TRAPPC12: variants seen among roughly 807,000 people sequenced by gnomAD.
TRAPPC12 encodes the protein TPR repeat protein 15.
In TRAPPC12, 61 loss-of-function variants were observed where a neutral mutation model predicts 69.2. The ratio of observed to expected loss-of-function variants is 0.88; its 90% confidence interval spans 0.72 to 1.09. The LOEUF (loss-of-function observed/expected upper bound fraction) is 1.09. TRAPPC12 is among the 50% of genes least tolerant of loss of function. The pLI is 0.00. For missense variants in TRAPPC12, 1,101 were observed against 1,016.4 expected, an observed-to-expected ratio of 1.08 and a Z score of -1.13; for synonymous variants, 469 against 438.9, an observed-to-expected ratio of 1.07 and a Z score of -0.86.
chr2:3,458,389 T>A, intron 7 of TRAPPC12: 2 of 985,670 alleles, frequency 2.0e-6, no homozygotes, highest in Non-Finnish European at 2.4e-6. Flanking sequence ...CCTGGTCATC[T>A]CCTCCTTCCC....
At chr2:3,382,576 A>G (rs952791589) in intron 1 of TRAPPC12, among the ~76,000 whole-genome samples, 3 of 152,198 alleles carry the variant, frequency 2.0e-5, no homozygotes, top group African/African-American at 7.2e-5. Flanking sequence ...AGGTACTACG[A>G]CCACATATTT....
chr2:3,433,377 T>C (rs1663557672), intron 5 of TRAPPC12, among the ~76,000 whole-genome samples: 1 of 152,230 alleles, frequency 6.6e-6, no homozygotes, highest in African/African-American at 2.4e-5. Flanking sequence ...GCAAAGGGTC[T>C]GGAAGGCTCC....
At chr2:3,394,291 C>G (rs1165583617) in intron 2 of TRAPPC12, among the ~76,000 whole-genome samples, 1 of 152,074 alleles carries the variant, frequency 6.6e-6, no homozygotes, top group Admixed American at 6.5e-5. Flanking sequence ...TTTAGGTAGG[C>G]GACCATGTGC....
intron 4 of TRAPPC12, among the ~76,000 whole-genome samples, chr2:3,422,602 T>C (rs1378933865): frequency 6.6e-6 from 1 of 152,180 alleles, no homozygotes; most frequent in Admixed American, 6.5e-5. Context: ...CACCAGATCC[T>C]TCAGAACTGT....
At chr2:3,382,036 C>T (rs1660234079) in intron 1 of TRAPPC12, among the ~76,000 whole-genome samples, 2 of 151,872 alleles carry the variant, frequency 1.3e-5, no homozygotes, top group African/African-American at 4.8e-5. Flanking sequence ...GAAGAGTTCA[C>T]TGATTTTCAC....
chr2:3,429,037 C>A (rs1025557437), intron 5 of TRAPPC12, among the ~76,000 whole-genome samples: 4 of 152,230 alleles, frequency 2.6e-5, no homozygotes, highest in African/African-American at 9.7e-5. Context: ...AGCACCCAGG[C>A]TGCAAGCGGG....
At chr2:3,435,228 G>A (rs970306053) in intron 5 of TRAPPC12, among the ~76,000 whole-genome samples, 4 of 151,898 alleles carry the variant, frequency 2.6e-5, no homozygotes, top group Admixed American at 6.6e-5. Flanking sequence ...TGGCCAGGCT[G>A]GTCTCTAACT....
chr2:3,423,161 G>A (rs1216634342), intron 4 of TRAPPC12, among the ~76,000 whole-genome samples: 1 of 152,200 alleles, frequency 6.6e-6, no homozygotes, highest in African/African-American at 2.4e-5. Context: ...TTCCAACTAG[G>A]TCTGAAACGG....
At chr2:3,450,467 T>C (rs960253137) in intron 6 of TRAPPC12, among the ~76,000 whole-genome samples, 1 of 152,194 alleles carries the variant, frequency 6.6e-6, no homozygotes, top group Non-Finnish European at 1.5e-5. Flanking sequence ...CGCTCTGAAG[T>C]GCCGGCTGCA....
At chr2:3,401,057 G>A (rs997317344) in intron 2 of TRAPPC12, among the ~76,000 whole-genome samples, 6 of 152,226 alleles carry the variant, frequency 3.9e-5, no homozygotes, top group African/African-American at 1.4e-4. Context: ...AGTCAGGTCA[G>A]GAGTAGAAAC....
At chr2:3,401,370 A>G (rs1661433859) in intron 2 of TRAPPC12, among the ~76,000 whole-genome samples, 1 of 152,206 alleles carries the variant, frequency 6.6e-6, no homozygotes. Flanking sequence ...CTGTGGGTGC[A>G]GCCCCTGGTC....
intron 6 of TRAPPC12, chr2:3,456,411 A>G (rs1665153441): frequency 6.6e-6 from 1 of 152,262 alleles, no homozygotes; most frequent in Admixed American, 6.5e-5. Flanking sequence ...CTTTCAGAGA[A>G]GAAAACACAA....
chr2:3,381,282 A>G (rs1382480386), intron 1 of TRAPPC12, among the ~76,000 whole-genome samples: 2 of 152,230 alleles, frequency 1.3e-5, no homozygotes, highest in Non-Finnish European at 2.9e-5. Flanking sequence ...CCCTTATGGA[A>G]GGAAATTTTA....
At chr2:3,409,660 G>C (rs1661931241) in intron 3 of TRAPPC12, among the ~76,000 whole-genome samples, 1 of 149,464 alleles carries the variant, frequency 6.7e-6, no homozygotes, top group Admixed American at 6.8e-5. Flanking sequence ...TGAGGTGGGA[G>C]GATTGCCAGA....
At chr2:3,405,181 G>A (rs1250798629) in intron 3 of TRAPPC12, among the ~76,000 whole-genome samples, 2 of 148,772 alleles carry the variant, frequency 1.3e-5, no homozygotes, top group African/African-American at 2.5e-5. Context: ...TTTTTTTGGG[G>A]GGGTGGGGGG....
intron 5 of TRAPPC12, among the ~76,000 whole-genome samples, chr2:3,438,822 C>G (rs1226123495): frequency 6.6e-6 from 1 of 152,014 alleles, no homozygotes; most frequent in Non-Finnish European, 1.5e-5. Context: ...GCTTATTTAT[C>G]CATTTCTCTG....
chr2:3,477,972 T>A (rs1028370347), intron 10 of TRAPPC12, 177 bp downstream of exon 10: 1 of 457,292 alleles, frequency 2.2e-6, no homozygotes, highest in Non-Finnish European at 4.0e-6. Context: ...ATCGCAGTGA[T>A]GTTCTTTTAG....
intron 5 of TRAPPC12, among the ~76,000 whole-genome samples, chr2:3,443,173 G>A (rs1226591762): frequency 1.3e-5 from 2 of 152,216 alleles, no homozygotes; most frequent in African/African-American, 4.8e-5. Flanking sequence ...CTGGGTGATG[G>A]ATTTTTCAAG....
intron 3 of TRAPPC12, among the ~76,000 whole-genome samples, chr2:3,403,230 A>ATTT (rs35354979): frequency 0.29 from 34,285 of 118,786 alleles, 5,719 homozygotes; most frequent in East Asian, 0.56. Context: ...GATTTCACCA[A>ATTT]TTTTTTTTTT....
Sources: allele counts gnomAD v4.1 joint callset (sites outside exome capture counted in the v4.1 genomes callset), GRCh38; gene constraint gnomAD v4.1.1; transcripts MANE v1.5; gene names NCBI Gene and HGNC (gene_info 2026-07-23, HGNC 2026-07-21).